Variants in PLCB1 observed in about 807,000 individuals in gnomAD.
PLCB1 encodes 1-phosphatidylinositol 4,5-bisphosphate phosphodiesterase beta-1.
A neutral mutation model predicts 161.8 loss-of-function variants in PLCB1; 46 were observed. That is an observed-to-expected ratio of 0.28 (90% CI 0.22 to 0.36). The LOEUF is 0.36. Ranked by LOEUF, PLCB1 falls within the 10% of genes least tolerant of loss-of-function variation. The pLI is 1.00. For missense variants in PLCB1, 1,016 were observed against 1,472.5 expected, an observed-to-expected ratio of 0.69 and a Z score of 5.07; for synonymous variants, 517 against 503.7, an observed-to-expected ratio of 1.03 and a Z score of -0.35.
At position 8,229,800 on chromosome 20, in the gene PLCB1, G is replaced by A. The variant is rs556356790; in HGVS notation, c.177+79429G>A. On this transcript the variant is annotated intron_variant, in intron 2 of 31. Coordinates refer to ENST00000338037, the MANE Select transcript of PLCB1 (RefSeq NM_015192.4). ...CTTTGGGAGGCCAAGGCGGGGGTGG[G>A]TCGCTTGAGCCCAGGAGTTTGAGAC... 2.0e-5 allele frequency among the ~76,000 whole-genome samples: 3 copies of A among 150,850 alleles called. No homozygotes were observed. In the South Asian group the frequency reaches 6.3e-4, roughly 32 times the overall value.
chr20:8,337,149 C>T (rs1985611509), intron 2 of PLCB1, among the ~76,000 whole-genome samples: 4 of 152,074 alleles, frequency 2.6e-5, no homozygotes. Flanking sequence ...ATGTGATAAA[C>T]ATTGCTTTAA....
chr20:8,750,645 T>C (rs891866963), intron 23 of PLCB1, among the ~76,000 whole-genome samples: 1 of 152,184 alleles, frequency 6.6e-6, no homozygotes, highest in African/African-American at 2.4e-5. Context: ...GTTAAAGTGA[T>C]TCTGAATTTC....
intron 31 of PLCB1, among the ~76,000 whole-genome samples, chr20:8,857,922 A>T (rs1987123173): frequency 6.6e-6 from 1 of 151,954 alleles, no homozygotes; most frequent in Non-Finnish European, 1.5e-5. Context: ...TTTTCAATTG[A>T]GTGATTGGTC....
At chr20:8,206,145 A>C (rs1978516235) in intron 2 of PLCB1, among the ~76,000 whole-genome samples, 1 of 152,220 alleles carries the variant, frequency 6.6e-6, no homozygotes, top group South Asian at 2.1e-4. Flanking sequence ...AAAGAAGAGA[A>C]TGAGAAAATA....
At chr20:8,509,769 GAT>G in intron 3 of PLCB1, among the ~76,000 whole-genome samples, 1 of 152,120 alleles carries the variant, frequency 6.6e-6, no homozygotes, top group African/African-American at 2.4e-5. Flanking sequence ...TAGATAGATA[GAT>G]AGATAGATAG....
chr20:8,380,540 T>G (rs1450822709), intron 3 of PLCB1, among the ~76,000 whole-genome samples: 1 of 152,234 alleles, frequency 6.6e-6, no homozygotes, highest in Non-Finnish European at 1.5e-5. Context: ...TTTTGGGCAG[T>G]ACGGACATTT....
chr20:8,532,955 T>C (rs1022848431), intron 3 of PLCB1, among the ~76,000 whole-genome samples: 1 of 152,038 alleles, frequency 6.6e-6, no homozygotes, highest in East Asian at 1.9e-4. Context: ...GCTGGTGTGC[T>C]GCACCCATTA....
rs1249104832 is a variant in PLCB1, at chr20:8,782,677, C to G, written c.3112-5772C>G. 2.0e-5 allele frequency among the ~76,000 whole-genome samples: 3 copies of G among 152,174 alleles called. No homozygotes were observed. The East Asian group carries it at 5.8e-4, about 29-fold the overall frequency. On this transcript the variant is annotated intron_variant, in intron 27 of 31. Coordinates refer to ENST00000338037, the MANE Select transcript of PLCB1 (RefSeq NM_015192.4). ...TTTCAAATTGTTGGTGATGTGCTTG[C>G]TGTGTAGATCATTACTTAGTTCAGA...
At chr20:8,676,864 A>T (rs1259193257) in intron 9 of PLCB1, among the ~76,000 whole-genome samples, 1 of 152,258 alleles carries the variant, frequency 6.6e-6, no homozygotes, top group Non-Finnish European at 1.5e-5. Flanking sequence ...ATGACTATAT[A>T]GTGAGAATTC....
chr20:8,340,515 C>T (rs895484752), intron 2 of PLCB1, among the ~76,000 whole-genome samples: 4 of 151,942 alleles, frequency 2.6e-5, no homozygotes, highest in South Asian at 4.2e-4. Context: ...CTCCGCCTCC[C>T]GGGTTCACGC....
intron 31 of PLCB1, among the ~76,000 whole-genome samples, chr20:8,837,197 C>G (rs372832661): frequency 5.9e-5 from 9 of 152,130 alleles, no homozygotes; most frequent in Non-Finnish European, 1.3e-4. Flanking sequence ...AGTTGCCATG[C>G]AAGATGATGC....
intron 2 of PLCB1, among the ~76,000 whole-genome samples, chr20:8,183,743 A>T (rs1038660524): frequency 6.6e-6 from 1 of 152,206 alleles, no homozygotes; most frequent in Non-Finnish European, 1.5e-5. Context: ...TGTGAATCAG[A>T]TGTGCATGTT....
intron 1 of PLCB1, among the ~76,000 whole-genome samples, chr20:8,139,485 G>A (rs1369076371): frequency 2.0e-5 from 3 of 152,032 alleles, no homozygotes; most frequent in Non-Finnish European, 4.4e-5. Flanking sequence ...ACAGAAAGTG[G>A]ATTAGTTAGT....
chr20:8,301,939 AC>A (rs1983929287), intron 2 of PLCB1, among the ~76,000 whole-genome samples: 1 of 152,184 alleles, frequency 6.6e-6, no homozygotes, highest in Non-Finnish European at 1.5e-5. Context: ...TGGTTCTGTG[AC>A]TTTGGACAAA....
intron 4 of PLCB1, among the ~76,000 whole-genome samples, chr20:8,629,886 T>TC (rs1988501222): frequency 8.0e-6 from 1 of 124,714 alleles, no homozygotes; most frequent in African/African-American, 3.0e-5. Flanking sequence ...TCTCTCTCTC[T>TC]TTCTTTTCTT....
At chr20:8,294,667 A>G (rs764224343) in intron 2 of PLCB1, among the ~76,000 whole-genome samples, 5 of 150,432 alleles carry the variant, frequency 3.3e-5, no homozygotes, top group Admixed American at 1.3e-4. Flanking sequence ...GCCTTATCAG[A>G]AGTGCTTGTT....
chr20:8,629,778 GTTCCTTCC>G (rs144179048), intron 4 of PLCB1, among the ~76,000 whole-genome samples: 2,038 of 117,856 alleles, frequency 0.017, 33 homozygotes, highest in Middle Eastern at 0.049. Flanking sequence ...TGTTGGCCTG[GTTCCTTCC>G]TTCCTTTCTT....
At chr20:8,820,806 G>T (rs1985308163) in intron 31 of PLCB1, among the ~76,000 whole-genome samples, 1 of 151,924 alleles carries the variant, frequency 6.6e-6, no homozygotes, top group African/African-American at 2.4e-5. Flanking sequence ...AAATAAATAT[G>T]ACTTGTAGCT....
intron 2 of PLCB1, among the ~76,000 whole-genome samples, chr20:8,324,914 A>G (rs1445729104): frequency 6.6e-6 from 1 of 152,236 alleles, no homozygotes; most frequent in Non-Finnish European, 1.5e-5. Context: ...GGATTTTTCC[A>G]TGTGGGAATA....
Sources: gnomAD v4.1 joint callset for allele counts (sites outside exome capture counted in the v4.1 genomes callset) on GRCh38, gnomAD v4.1.1 for gene constraint, MANE v1.5 for transcripts, NCBI Gene and HGNC (gene_info 2026-07-23, HGNC 2026-07-21) for gene names.